The following SIPA1L1 variants were observed in gnomAD, a reference collection of about 807,000 sequenced individuals.
The protein encoded by SIPA1L1 is signal induced proliferation associated 1 like 1, also known as signal-induced proliferation-associated 1-like protein 1.
SIPA1L1 carries 26 observed loss-of-function variants against 162.7 expected under a neutral mutation model. The observed-to-expected ratio is 0.16, with a 90% CI of 0.12 to 0.22. The LOEUF (loss-of-function observed/expected upper bound fraction) is 0.22, where lower values mean the gene tolerates loss of function less well. Ranked by LOEUF, SIPA1L1 falls within the 10% of genes least tolerant of loss-of-function variation. SIPA1L1 has a pLI of 1.00. For synonymous variants in SIPA1L1, 829 were observed against 837.4 expected, an observed-to-expected ratio of 0.99 and a Z score of 0.17; for missense variants, 1,874 against 2,241.0, an observed-to-expected ratio of 0.84 and a Z score of 3.31.
chr14:71,373,657 CAAA>C (rs34113031), intron 2 of SIPA1L1, among the ~76,000 whole-genome samples: 9 of 83,664 alleles, frequency 1.1e-4, no homozygotes, highest in Non-Finnish European at 1.6e-4. Context: ...ACTCTGTCTC[CAAA>C]AAAAAAAAAA....
chr14:71,672,540 G>A lies in SIPA1L1; in HGVS notation c.3022G>A (p.Glu1008Lys). ...GGTGGCGGTAGCCACTCTGAGCCAT[G>A]AGCAGATGATCGACCTCCTGAGAAC... ...CKVAVATLSH[E>K]QMIDLLRTSV... The change falls in exon 12 of 24, where the codon GAG (glutamate) becomes AAG (lysine). Residue 1008 changes from glutamate (E) to lysine (K), a missense_variant. Around this residue, in one of 5 missense-constraint regions of SIPA1L1, gnomAD observed 936 missense variants for 1,051.9 expected, o/e 0.89. Transcript: ENST00000381232. 6.2e-7 allele frequency: 1 copy of A among 1,614,212 alleles called. No individual in the cohort carries two copies. Among genetic ancestry groups the A allele is most frequent in the Non-Finnish European group, 8.5e-7 (1 of 1,180,030 alleles).
At position 71,713,179 on chromosome 14, in the gene SIPA1L1, A is replaced by T. The variant is rs377341065; in HGVS notation, c.4208+3515A>T. ...AGGTCAATCTGGGCAACATAGTGAG[A>T]CACTGTCTCAAAAAAATGAAAGAAT... On this transcript the variant is annotated intron_variant, in intron 17 of 23. Coordinates refer to ENST00000381232, the MANE Select transcript of SIPA1L1 (RefSeq NM_001386936.1). Among the ~76,000 whole-genome samples the T allele has an allele frequency of 2.2e-4, 33 of 152,322 alleles. 1 individual carries two copies. The South Asian group carries it at 6.4e-3, about 30-fold the overall frequency.
intron 13 of SIPA1L1, among the ~76,000 whole-genome samples, chr14:71,689,383 T>A (rs1325333384): frequency 1.3e-5 from 2 of 152,226 alleles, no homozygotes; most frequent in Non-Finnish European, 2.9e-5. Flanking sequence ...GAGTAGTAGT[T>A]ATTAACAATT....
At chr14:71,418,166 C>T (rs1473465233) in intron 2 of SIPA1L1, 1 of 152,140 alleles carries the variant, frequency 6.6e-6, no homozygotes. Context: ...AAATAGTTAC[C>T]TCTTTTAAAC....
Position 71,580,879 on chromosome 14 carries a change from A to G in SIPA1L1, c.-302-6692A>G, listed in dbSNP as rs74060373. On this transcript the variant is annotated intron_variant, in intron 4 of 23. Transcript: ENST00000381232. ...TGACACATGTTCATTTCAGAAAATA[A>G]AAAATATAAATAAAAAAACAGAAAT... Among the ~76,000 whole-genome samples the G allele has an allele frequency of 5.5e-3, 834 of 152,308 alleles. 10 individuals are homozygous for G. Among genetic ancestry groups the G allele is most frequent in the African/African-American group, 0.019 (808 of 41,562 alleles).
At chr14:71,527,356 A>T (rs902822255) in intron 3 of SIPA1L1, among the ~76,000 whole-genome samples, 3 of 151,608 alleles carry the variant, frequency 2.0e-5, no homozygotes, top group African/African-American at 7.3e-5. Context: ...ACCAAGGAAG[A>T]TGTTGAATTT....
In SIPA1L1 at chr14:71,709,289, G is replaced by A. The variant is rs866403352; in HGVS notation, c.3833G>A (p.Ser1278Asn). 3 of 1,614,224 alleles carry A rather than the reference G, an allele frequency of 1.9e-6. No individual in the cohort carries two copies. In the Middle Eastern group the frequency reaches 4.9e-4, roughly 266 times the overall value. ...TLSSNASSAH[S>N]DEKWYDGDRT... ...TCCAGCAATGCGTCAAGTGCCCATAGTGATGAGAAGTGGTACGATGGGGAC... is the reference window on the plus strand; with the variant it reads ...TCCAGCAATGCGTCAAGTGCCCATAATGATGAGAAGTGGTACGATGGGGAC... Residue 1278 changes from serine to asparagine, a missense_variant, in exon 17 of 24, where the codon AGT becomes AAT. By Grantham distance (46) the Ser-to-Asn change is conservative. Around this residue, in one of 5 missense-constraint regions of SIPA1L1, gnomAD observed 936 missense variants for 1,051.9 expected, o/e 0.89. Transcript: ENST00000381232.
intron 2 of SIPA1L1, among the ~76,000 whole-genome samples, chr14:71,324,132 A>T (rs1182581329): frequency 6.6e-6 from 1 of 152,196 alleles, no homozygotes; most frequent in Non-Finnish European, 1.5e-5. Context: ...ACAAAAATTG[A>T]TGAGAATACA....
Position 71,672,610 on chromosome 14 carries a change from G to C in SIPA1L1, c.3092G>C (p.Cys1031Ser). 6.2e-7 allele frequency: 1 copy of C among 1,613,558 alleles called. No homozygotes were observed. ...KVVIIPPHDD[C>S]TPRRSCSETY... ...GTCATCATTCCCCCGCATGATGACTGCACCCCGCGGAGGTAGGTCTGAGGA... is the reference window on the plus strand; with the variant it reads ...GTCATCATTCCCCCGCATGATGACTCCACCCCGCGGAGGTAGGTCTGAGGA... The change falls in exon 12 of 24, where the codon TGC becomes TCC. Residue 1031 changes from cysteine to serine, a missense_variant. Cys to Ser is a moderately radical substitution (Grantham distance 112). Transcript: ENST00000381232.
chr14:71,399,790 C>T (rs1300237883), intron 2 of SIPA1L1, among the ~76,000 whole-genome samples: 2 of 151,768 alleles, frequency 1.3e-5, no homozygotes, highest in African/African-American at 2.4e-5. Flanking sequence ...GGCGCAGTCT[C>T]GACTCACTGC....
intron 13 of SIPA1L1, 26 bp downstream of exon 13, chr14:71,685,657 CTA>C: frequency 6.2e-7 from 1 of 1,610,934 alleles, no homozygotes; most frequent in African/African-American, 1.3e-5. Flanking sequence ...AAGGTTTGCT[CTA>C]TCTCTCTCTG....
Position 71,561,656 on chromosome 14 carries a change from C to T in SIPA1L1, c.-302-25915C>T, listed in dbSNP as rs112045994. Among the ~76,000 whole-genome samples the T allele has an allele frequency of 4.8e-3, 737 of 152,304 alleles. 6 individuals are homozygous for T. The highest frequency in any genetic ancestry group is 0.016 in the African/African-American group (680 of 41,566). On this transcript the variant is annotated intron_variant, in intron 4 of 23. Coordinates refer to ENST00000381232, the MANE Select transcript of SIPA1L1 (RefSeq NM_001386936.1). ...AGGCTGGAGTGCAATGGCATGGTCT[C>T]GGCTCACTGCAAACTCCTCCTCCTG...
intron 2 of SIPA1L1, among the ~76,000 whole-genome samples, chr14:71,423,241 G>T (rs2043315752): frequency 6.6e-6 from 1 of 152,098 alleles, no homozygotes; most frequent in Non-Finnish European, 1.5e-5. Context: ...ATATGAATAT[G>T]ATTTGAAAAT....
intron 23 of SIPA1L1, among the ~76,000 whole-genome samples, chr14:71,738,545 C>T (rs192528281): frequency 7.7e-4 from 117 of 152,282 alleles, no homozygotes; most frequent in African/African-American, 2.7e-3. Flanking sequence ...TTGTGAAAGG[C>T]TGTGAACCTC....
chr14:71,418,180 T>C (rs1182528827), intron 2 of SIPA1L1: 1 of 152,202 alleles, frequency 6.6e-6, no homozygotes, highest in Non-Finnish European at 1.5e-5. Flanking sequence ...TTTAAACTCA[T>C]TCTACTGGAG....
Position 71,735,770 on chromosome 14 carries a change from A to G in SIPA1L1, c.5123+379A>G, listed in dbSNP as rs56901802. Among the ~76,000 whole-genome samples, 1,123 of 152,238 alleles carry G rather than the reference A, an allele frequency of 7.4e-3. 16 individuals are homozygous for G. The highest frequency in any genetic ancestry group is 0.025 in the African/African-American group (1,033 of 41,522). ...GTGTTGCTGATGGTCATGCTTATAC[A>G]TGCGCTTGCTGAGTCCTAGTGGCTC... On this transcript the variant is annotated intron_variant, in intron 22 of 23. Coordinates refer to ENST00000381232, the MANE Select transcript of SIPA1L1 (RefSeq NM_001386936.1).
intron 2 of SIPA1L1, among the ~76,000 whole-genome samples, chr14:71,373,717 A>G (rs941873083): frequency 6.6e-6 from 1 of 151,444 alleles, no homozygotes; most frequent in Non-Finnish European, 1.5e-5. Context: ...AAAATTTTAT[A>G]TTTTTTCTCC....
intron 2 of SIPA1L1, among the ~76,000 whole-genome samples, chr14:71,355,665 A>G (rs935610976): frequency 2.0e-5 from 3 of 152,252 alleles, no homozygotes; most frequent in Non-Finnish European, 4.4e-5. Context: ...TAGTTAGGCA[A>G]AAACCATTTT....
intron 5 of SIPA1L1, among the ~76,000 whole-genome samples, chr14:71,618,463 A>G (rs1212589965): frequency 6.6e-6 from 1 of 152,346 alleles, no homozygotes; most frequent in East Asian, 1.9e-4. Context: ...GCCTATTTAA[A>G]TGGTGGGAGA....
Sources: gnomAD v4.1 joint callset for allele counts (sites outside exome capture counted in the v4.1 genomes callset) on GRCh38, gnomAD v4.1.1 for gene constraint, gnomAD v4.1.1 regional missense constraint, MANE v1.5 for transcripts, NCBI Gene and HGNC (gene_info 2026-07-23, HGNC 2026-07-21) for gene names.